Variants in SCAPER observed in about 807,000 individuals in gnomAD.
SCAPER encodes S-phase cyclin A associated protein in the ER, also known as S phase cyclin A-associated protein in the endoplasmic reticulum.
In SCAPER, 98 loss-of-function variants were observed where a neutral mutation model predicts 182.2. That is an observed-to-expected ratio of 0.54 (90% CI 0.46 to 0.64). SCAPER has a LOEUF of 0.64. Among genes scored for constraint, SCAPER ranks in the 30% least tolerant of loss-of-function variants. SCAPER has a pLI of 0.00. For synonymous variants in SCAPER, 605 were observed against 564.6 expected, an observed-to-expected ratio of 1.07 and a Z score of -1.01; for missense variants, 1,432 against 1,690.0, an observed-to-expected ratio of 0.85 and a Z score of 2.68.
intron 2 of SCAPER, among the ~76,000 whole-genome samples, chr15:76,875,927 C>T (rs12903331): frequency 6.6e-6 from 1 of 151,540 alleles, no homozygotes; most frequent in African/African-American, 2.4e-5. Flanking sequence ...CGGTGGGGGG[C>T]GGGGTCAGGC....
intron 22 of SCAPER, among the ~76,000 whole-genome samples, chr15:76,577,219 G>A (rs2047896779): frequency 1.3e-5 from 2 of 152,104 alleles, no homozygotes. Context: ...GCTGAGGCAA[G>A]CGGATTGCTT....
chr15:76,824,509 G>A (rs1431615246), intron 5 of SCAPER, among the ~76,000 whole-genome samples: 2 of 152,102 alleles, frequency 1.3e-5, no homozygotes, highest in Non-Finnish European at 2.9e-5. Flanking sequence ...AGAAGTCAGT[G>A]ACAAAAGGGA....
chr15:76,883,738 A>G (rs2073700451), intron 2 of SCAPER, 74 bp downstream of exon 2: 1 of 1,224,342 alleles, frequency 8.2e-7, no homozygotes, highest in Non-Finnish European at 1.1e-6. Context: ...CAACTATTAC[A>G]TTAAAAAAGA....
chr15:76,839,214 A>C, intron 5 of SCAPER, among the ~76,000 whole-genome samples: 1 of 152,356 alleles, frequency 6.6e-6, no homozygotes. Context: ...TGAATTACAT[A>C]TATGTGTTAT....
intron 17 of SCAPER, among the ~76,000 whole-genome samples, chr15:76,726,489 C>T (rs2060609256): frequency 6.6e-6 from 1 of 151,702 alleles, no homozygotes. Flanking sequence ...GTATATGATC[C>T]AACCACTTCA....
chr15:76,667,391 C>A (rs2056659272), intron 20 of SCAPER, among the ~76,000 whole-genome samples: 1 of 152,108 alleles, frequency 6.6e-6, no homozygotes, highest in Non-Finnish European at 1.5e-5. Flanking sequence ...GAGCTATACT[C>A]AGAGCTTTCT....
intron 23 of SCAPER, among the ~76,000 whole-genome samples, chr15:76,505,356 G>A (rs745830967): frequency 3.9e-5 from 6 of 151,976 alleles, no homozygotes; most frequent in Non-Finnish European, 7.4e-5. Flanking sequence ...TCTGACAAGG[G>A]ATTAACAACC....
chr15:76,413,834 A>G (rs549201078), intron 26 of SCAPER, among the ~76,000 whole-genome samples: 2 of 152,314 alleles, frequency 1.3e-5, no homozygotes, highest in South Asian at 4.1e-4. Flanking sequence ...ATGAGAACAT[A>G]AAGTTCAAAT....
chr15:76,451,106 T>C (rs1215336425), intron 25 of SCAPER, among the ~76,000 whole-genome samples: 1 of 152,240 alleles, frequency 6.6e-6, no homozygotes, highest in Non-Finnish European at 1.5e-5. Flanking sequence ...TTCAAATAAC[T>C]GCAATCACAC....
At chr15:76,823,904 G>GA (rs199911012) in intron 5 of SCAPER, among the ~76,000 whole-genome samples, 830 of 131,902 alleles carry the variant, frequency 6.3e-3, no homozygotes, top group Middle Eastern at 0.012. Flanking sequence ...TTTCTTTTTG[G>GA]AAAAAAAAAA....
chr15:76,839,925 C>T (rs751979054), intron 5 of SCAPER, among the ~76,000 whole-genome samples: 1 of 152,128 alleles, frequency 6.6e-6, no homozygotes, highest in Non-Finnish European at 1.5e-5. Context: ...ATCAATCAGT[C>T]ATTTGTTATT....
At position 76,703,107 on chromosome 15, in the gene SCAPER, G is replaced by A. The variant is rs369086797; in HGVS notation, c.2248-105C>T. On this transcript the variant is annotated intron_variant, in intron 18 of 31. Transcript: ENST00000563290. ...AAAACTTCAAAAATAATAGAATGTC[G>A]TTTCTATGACAACTTACACACTGAA... The A allele has an allele frequency of 3.4e-3, 4,271 of 1,254,292 alleles. 23 individuals carry two copies. Among genetic ancestry groups the A allele is most frequent in the South Asian group, 0.014 (892 of 62,028 alleles). 77.7% of individuals were successfully genotyped at this position (1,254,292 alleles called of 1,614,324 possible).
intron 21 of SCAPER, among the ~76,000 whole-genome samples, chr15:76,637,687 C>G (rs1457346519): frequency 1.3e-5 from 2 of 148,698 alleles, no homozygotes; most frequent in South Asian, 4.2e-4. Flanking sequence ...GCCTGGCTAA[C>G]AGAGTGAAAC....
chr15:76,643,442 G>A (rs1309884625), intron 21 of SCAPER, among the ~76,000 whole-genome samples: 1 of 152,072 alleles, frequency 6.6e-6, no homozygotes, highest in Non-Finnish European at 1.5e-5. Context: ...AGCACTTTAG[G>A]AGGCCAAGGC....
chr15:76,728,216 CAA>C (rs746287649), intron 17 of SCAPER, among the ~76,000 whole-genome samples: 126 of 114,958 alleles, frequency 1.1e-3, no homozygotes, highest in African/African-American at 1.8e-3. Context: ...CTATTTCCAT[CAA>C]AAAAAAAAAA....
Position 76,562,429 on chromosome 15 carries a change from G to A in SCAPER, c.2838+11729C>T, listed in dbSNP as rs2046713341. ...TAGGACTAGTGTCCAGAACACACAG[G>A]ATATTCTAACAATCAGTAGAAAAAC... On this transcript the variant is annotated intron_variant, in intron 23 of 31. Transcript: ENST00000563290. Among the ~76,000 whole-genome samples, 5 of 152,126 alleles carry A rather than the reference G, an allele frequency of 3.3e-5. No homozygotes were observed. In the South Asian group the frequency reaches 1.0e-3, roughly 32 times the overall value.
chr15:76,743,255 T>C (rs183017325), intron 15 of SCAPER, among the ~76,000 whole-genome samples: 1 of 152,220 alleles, frequency 6.6e-6, no homozygotes, highest in East Asian at 1.9e-4. Flanking sequence ...AGAAATGGAA[T>C]ACATGTCCAG....
chr15:76,353,851 A>G, intron 30 of SCAPER, 98 bp downstream of exon 30: 2 of 1,001,672 alleles, frequency 2.0e-6, no homozygotes, highest in Non-Finnish European at 2.8e-6. Flanking sequence ...TTTAAAAGGT[A>G]GTATGGAAGG....
In SCAPER at chr15:76,841,792, C is replaced by A. The variant is rs931825888; in HGVS notation, c.335G>T (p.Arg112Leu). The change falls in exon 5 of 32, where the codon CGA (arginine) becomes CTA (leucine). Residue 112 changes from arginine (R) to leucine (L), a missense_variant. Physicochemically the swap from Arg to Leu is moderately radical, Grantham distance 102 (BLOSUM62 -2). This residue lies in a region of SCAPER where 480 missense variants were observed against 510.2 expected (regional missense o/e 0.94). Transcript: ENST00000563290. Reference sequence around the variant, plus strand: ...AGTTACATAGATTTCATCTACTGCTCGGCGAAGATTATCAAAAAGAAATGC... The same window carrying A: ...AGTTACATAGATTTCATCTACTGCTAGGCGAAGATTATCAAAAAGAAATGC... ...YWAFLFDNLR[R>L]AVDEIYVTCE... 2 of 1,613,752 alleles carry A rather than the reference C, an allele frequency of 1.2e-6. No homozygotes were observed. Among genetic ancestry groups the A allele is most frequent in the Admixed American group, 1.7e-5 (1 of 59,932 alleles).
Sources: gnomAD v4.1 joint callset for allele counts (sites outside exome capture counted in the v4.1 genomes callset) on GRCh38, gnomAD v4.1.1 for gene constraint, gnomAD v4.1.1 regional missense constraint, MANE v1.5 for transcripts, NCBI Gene and HGNC (gene_info 2026-07-23, HGNC 2026-07-21) for gene names.